THSD7A: variants seen among roughly 807,000 people sequenced by gnomAD.
THSD7A encodes thrombospondin type 1 domain containing 7A, also known as thrombospondin type-1 domain-containing protein 7A.
In THSD7A, 96 loss-of-function variants were observed where a neutral mutation model predicts 231.3. The observed-to-expected ratio is 0.41, with a 90% CI of 0.35 to 0.49. The LOEUF is 0.49. THSD7A is among the 20% of genes least tolerant of loss of function. The probability of loss-of-function intolerance (pLI) is 0.05; values close to 1 mark genes in which losing one functional copy is unlikely to be tolerated. For missense variants in THSD7A, 2,290 were observed against 2,070.2 expected, an observed-to-expected ratio of 1.11 and a Z score of -2.06; for synonymous variants, 940 against 743.3, an observed-to-expected ratio of 1.26 and a Z score of -4.30.
rs576591111 is a variant in THSD7A at position 11,382,469 on chromosome 7, C to A, written c.4507+52G>T. 221 of 1,389,804 alleles carry A rather than the reference C, an allele frequency of 1.6e-4. No homozygotes were observed. In the African/African-American group the frequency reaches 2.9e-3, roughly 18 times the overall value. 86.1% of individuals were successfully genotyped at this position (1,389,804 alleles called of 1,614,324 possible). A position where few individuals can be genotyped will look rare whatever the true frequency, so the allele number is the denominator to read the frequency against. On this transcript the variant is annotated intron_variant, in intron 24 of 27. Coordinates refer to ENST00000423059, the MANE Select transcript of THSD7A (RefSeq NM_015204.3). ...CTTAATTATTTTCTTCAACCAATCA[C>A]ATGTGTGTTACAGGAAGATTTTCAA...
chr7:11,672,177 T>C (rs1401630933), intron 1 of THSD7A, among the ~76,000 whole-genome samples: 2 of 152,186 alleles, frequency 1.3e-5, no homozygotes, highest in African/African-American at 4.8e-5. Flanking sequence ...ATTAGATAAT[T>C]ACTACTCTTA....
chr7:11,661,464 A>C (rs961102990), intron 1 of THSD7A, among the ~76,000 whole-genome samples: 2 of 151,268 alleles, frequency 1.3e-5, no homozygotes, highest in African/African-American at 4.8e-5. Flanking sequence ...GGAGAATTTA[A>C]GCAGAGAAGA....
intron 1 of THSD7A, among the ~76,000 whole-genome samples, chr7:11,717,879 T>G (rs989314241): frequency 6.6e-6 from 1 of 151,674 alleles, no homozygotes; most frequent in Non-Finnish European, 1.5e-5. Flanking sequence ...ATGGTTTCTA[T>G]GATATTTTTT....
At chr7:11,712,915 T>C (rs1781013680) in intron 1 of THSD7A, among the ~76,000 whole-genome samples, 1 of 151,166 alleles carries the variant, frequency 6.6e-6, no homozygotes, top group Non-Finnish European at 1.5e-5. Flanking sequence ...CTAGATGAAC[T>C]TAAGTATCTT....
intron 3 of THSD7A, among the ~76,000 whole-genome samples, chr7:11,592,704 A>C (rs1293362897): frequency 6.6e-6 from 1 of 152,194 alleles, no homozygotes; most frequent in Non-Finnish European, 1.5e-5. Flanking sequence ...TTAAAGTATC[A>C]TTATTTTGAT....
intron 2 of THSD7A, among the ~76,000 whole-genome samples, chr7:11,633,612 T>A (rs986721353): frequency 9.2e-5 from 14 of 152,196 alleles, no homozygotes; most frequent in Non-Finnish European, 1.8e-4. Context: ...CTAAGTTGTG[T>A]CTAATTTTAC....
Position 11,446,687 on chromosome 7 carries a change from C to T in THSD7A, c.2801-363G>A, listed in dbSNP as rs1252506372. On this transcript the variant is annotated intron_variant, in intron 12 of 27. Coordinates refer to ENST00000423059, the MANE Select transcript of THSD7A (RefSeq NM_015204.3). This position sits in a 1 kb window ranked among gnomAD's most constrained non-coding sequence, Gnocchi z 4.0. ...TTTAACTTAAATTCTGAGTACTCTA[C>T]TAGCACCAATATTTTTAGGTTGCTT... is the stretch of plus-strand genomic sequence containing the variant. Among the ~76,000 whole-genome samples, 1 of 152,110 alleles carries T rather than the reference C, an allele frequency of 6.6e-6. No individual in the cohort carries two copies. The highest frequency in any genetic ancestry group is 2.4e-5 in the African/African-American group (1 of 41,432).
intron 1 of THSD7A, among the ~76,000 whole-genome samples, chr7:11,709,111 T>C (rs1780864518): frequency 6.6e-6 from 1 of 150,776 alleles, no homozygotes; most frequent in African/African-American, 2.4e-5. Flanking sequence ...TAGTATAATC[T>C]GAGCTAAGCT....
chr7:11,431,084 ACTG>A (rs1473769335), intron 13 of THSD7A, among the ~76,000 whole-genome samples: 12 of 152,186 alleles, frequency 7.9e-5, no homozygotes, highest in Non-Finnish European at 7.4e-5. Context: ...TTCCAAAATG[ACTG>A]CAGCACTTTA....
chr7:11,501,105 C>T (rs1787318486), intron 6 of THSD7A, among the ~76,000 whole-genome samples: 4 of 151,756 alleles, frequency 2.6e-5, no homozygotes, highest in African/African-American at 9.7e-5. Flanking sequence ...ATGCACTCAA[C>T]ACAGGAACAC....
At chr7:11,416,994 C>T (rs1011653163) in intron 17 of THSD7A, among the ~76,000 whole-genome samples, 2 of 152,102 alleles carry the variant, frequency 1.3e-5, no homozygotes, top group African/African-American at 4.8e-5. Context: ...TGTTAATACC[C>T]CTGCTGCTGT....
intron 7 of THSD7A, among the ~76,000 whole-genome samples, chr7:11,477,259 GAAGATTA>G (rs1015938585): frequency 6.6e-6 from 1 of 152,094 alleles, no homozygotes; most frequent in Non-Finnish European, 1.5e-5. Flanking sequence ...AGACACTTTG[GAAGATTA>G]AAGATTATTT....
chr7:11,746,727 A>G (rs1369546008), intron 1 of THSD7A, among the ~76,000 whole-genome samples: 1 of 151,838 alleles, frequency 6.6e-6, no homozygotes, highest in Non-Finnish European at 1.5e-5. Flanking sequence ...AATATTTGCC[A>G]GGATATTCCA....
At chr7:11,698,063 G>A (rs2883568) in intron 1 of THSD7A, among the ~76,000 whole-genome samples, 41,730 of 151,178 alleles carry the variant, frequency 0.28, 6,014 homozygotes, top group African/African-American at 0.34. Flanking sequence ...AGACTCTGAC[G>A]CTTAATATTG....
At chr7:11,821,138 G>T in intron 1 of THSD7A, 1 of 1,092,324 alleles carries the variant, frequency 9.2e-7, no homozygotes, top group Non-Finnish European at 1.4e-6. Flanking sequence ...CCTCTATTTA[G>T]GTATTTAGTA....
intron 23 of THSD7A, chr7:11,384,838 T>A (rs1782667295): frequency 6.6e-6 from 1 of 152,018 alleles, no homozygotes; most frequent in Non-Finnish European, 1.5e-5. Context: ...TTAACTCCTC[T>A]GACTTAATTT....
At chr7:11,809,169 AATG>A (rs1470789134) in intron 1 of THSD7A, among the ~76,000 whole-genome samples, 1 of 152,180 alleles carries the variant, frequency 6.6e-6, no homozygotes, top group Non-Finnish European at 1.5e-5. Flanking sequence ...TCCACATTTA[AATG>A]ATAAGGGTAA....
At chr7:11,683,725 T>C (rs932478186) in intron 1 of THSD7A, among the ~76,000 whole-genome samples, 1 of 151,434 alleles carries the variant, frequency 6.6e-6, no homozygotes, top group African/African-American at 2.4e-5. Flanking sequence ...ATTGAATGAG[T>C]GATAAAAAAA....
chr7:11,719,781 C>T (rs1367650246), intron 1 of THSD7A, among the ~76,000 whole-genome samples: 1 of 151,748 alleles, frequency 6.6e-6, no homozygotes, highest in East Asian at 2.0e-4. Flanking sequence ...TCCATATTAA[C>T]AGGGCCTTAT....
Sources: allele counts gnomAD v4.1 joint callset (sites outside exome capture counted in the v4.1 genomes callset), GRCh38; gene constraint gnomAD v4.1.1; non-coding constraint Gnocchi (gnomAD v3.1); transcripts MANE v1.5; gene names NCBI Gene and HGNC (gene_info 2026-07-23, HGNC 2026-07-21).